Variants in DPYD observed in about 807,000 individuals in gnomAD.
DPYD encodes dihydropyrimidine dehydrogenase.
DPYD carries 109 observed loss-of-function variants against 116.2 expected under a neutral mutation model. The observed-to-expected ratio is 0.94, with a 90% CI of 0.80 to 1.10. DPYD has a LOEUF of 1.10. DPYD is among the 50% of genes least tolerant of loss of function. The pLI, the probability that DPYD is intolerant of heterozygous loss-of-function variation, is 0.00. For synonymous variants in DPYD, 440 were observed against 432.0 expected (o/e 1.02, Z -0.23); for missense variants, 1,302 against 1,254.5 (o/e 1.04, Z -0.57).
intron 12 of DPYD, chr1:97,545,915 T>C: frequency 9.3e-7 from 1 of 1,080,454 alleles, no homozygotes; most frequent in Non-Finnish European, 1.4e-6. Context: ...ATCCAGGATT[T>C]GGTGAGTTTA....
intron 16 of DPYD, among the ~76,000 whole-genome samples, chr1:97,317,916 C>A (rs1020987345): frequency 1.3e-5 from 2 of 152,038 alleles, no homozygotes; most frequent in Admixed American, 1.3e-4. Flanking sequence ...TCATCCATAA[C>A]AAGTTGGTAT....
intron 14 of DPYD, among the ~76,000 whole-genome samples, chr1:97,388,734 G>A (rs1672502441): frequency 6.6e-6 from 1 of 152,060 alleles, no homozygotes; most frequent in Non-Finnish European, 1.5e-5. Flanking sequence ...GGTTTTCTTG[G>A]GCTAGCTAAA....
chr1:97,206,638 T>TTATATATATGTGTATA (rs1553233563), intron 19 of DPYD, among the ~76,000 whole-genome samples: 9 of 48,998 alleles, frequency 1.8e-4, no homozygotes, highest in African/African-American at 3.5e-4. Context: ...CAGGGAGATT[T>TTATATATATGTGTATA]TATATATATA....
chr1:97,107,480 A>C (rs1240267767), intron 20 of DPYD, among the ~76,000 whole-genome samples: 5 of 152,050 alleles, frequency 3.3e-5, no homozygotes, highest in African/African-American at 1.2e-4. Context: ...TTTCCTCAAA[A>C]ATGGCTGAGA....
At chr1:97,892,414 T>C (rs538702164) in intron 1 of DPYD, among the ~76,000 whole-genome samples, 3 of 151,832 alleles carry the variant, frequency 2.0e-5, no homozygotes, top group Non-Finnish European at 4.4e-5. Flanking sequence ...GTGATTTAAT[T>C]AATATCTCAG....
chr1:97,533,431 T>C (rs543728415), intron 12 of DPYD, among the ~76,000 whole-genome samples: 2 of 152,224 alleles, frequency 1.3e-5, no homozygotes, highest in Non-Finnish European at 2.9e-5. Flanking sequence ...TGACAAATTT[T>C]CAAAAGTGTC....
chr1:97,538,067 C>CAA (rs67281977), intron 12 of DPYD, among the ~76,000 whole-genome samples: 12,119 of 124,350 alleles, frequency 0.097, 672 homozygotes, highest in African/African-American at 0.18. Context: ...AACTCTGTCT[C>CAA]AAAAAAAAAA....
chr1:97,717,309 T>TA (rs903665385), intron 5 of DPYD, among the ~76,000 whole-genome samples: 12 of 151,736 alleles, frequency 7.9e-5, no homozygotes, highest in African/African-American at 2.9e-4. Context: ...AAAAGTAAAA[T>TA]AAAAAAAATG....
At chr1:97,698,013 T>C (rs1338653365) in intron 6 of DPYD, among the ~76,000 whole-genome samples, 1 of 152,020 alleles carries the variant, frequency 6.6e-6, no homozygotes, top group African/African-American at 2.4e-5. Flanking sequence ...ATTATGTTTT[T>C]TCTAATTAAT....
intron 2 of DPYD, among the ~76,000 whole-genome samples, chr1:97,844,991 C>T (rs1382762373): frequency 6.6e-6 from 1 of 152,174 alleles, no homozygotes; most frequent in Admixed American, 6.5e-5. Context: ...CACCTTGTGC[C>T]CCTCTGGACT....
intron 3 of DPYD, among the ~76,000 whole-genome samples, chr1:97,771,715 C>A (rs1164936301): frequency 1.3e-5 from 2 of 152,100 alleles, no homozygotes; most frequent in African/African-American, 2.4e-5. Flanking sequence ...TTTCTGACTT[C>A]ATCTGTCAAT....
At chr1:97,645,282 C>G (rs76834760) in intron 8 of DPYD, among the ~76,000 whole-genome samples, 13,380 of 152,084 alleles carry the variant, frequency 0.088, 806 homozygotes, top group Non-Finnish European at 0.12. Context: ...TCCTTGTACC[C>G]TCGTCAACAA....
At chr1:97,328,216 C>T (rs1668803458) in intron 16 of DPYD, among the ~76,000 whole-genome samples, 1 of 152,096 alleles carries the variant, frequency 6.6e-6, no homozygotes, top group Non-Finnish European at 1.5e-5. Flanking sequence ...TAATCTGAGC[C>T]TATGTTATTC....
intron 19 of DPYD, among the ~76,000 whole-genome samples, chr1:97,196,149 G>C (rs1484354533): frequency 6.6e-6 from 1 of 152,024 alleles, no homozygotes; most frequent in Non-Finnish European, 1.5e-5. Flanking sequence ...ACCCAGGCTG[G>C]AGTGCAGTGG....
At chr1:97,769,766 G>T (rs531937101) in intron 3 of DPYD, among the ~76,000 whole-genome samples, 15 of 152,044 alleles carry the variant, frequency 9.9e-5, no homozygotes, top group Non-Finnish European at 2.1e-4. Flanking sequence ...ACTGTCCAAA[G>T]AAATAAAATA....
rs1310132875 is a variant in DPYD, at chr1:97,109,043, C to A, written c.2623-10411G>T. On this transcript the variant is annotated intron_variant, in intron 20 of 22. Transcript: ENST00000370192. Reference sequence around the variant, plus strand: ...TGAATGACCTGGGGCAAGCCACTTGCCCTCTGTAAGCCTCAATTTTCATCT... The same window carrying A: ...TGAATGACCTGGGGCAAGCCACTTGACCTCTGTAAGCCTCAATTTTCATCT... Among the ~76,000 whole-genome samples, 3 of 152,110 alleles carry A rather than the reference C, an allele frequency of 2.0e-5. No individual in the cohort carries two copies. In the East Asian group the frequency reaches 5.8e-4, roughly 29 times the overall value.
chr1:97,639,446 G>C (rs1439148273), intron 8 of DPYD, among the ~76,000 whole-genome samples: 1 of 151,966 alleles, frequency 6.6e-6, no homozygotes, highest in Admixed American at 6.6e-5. Flanking sequence ...TATTTTGTGT[G>C]TGTATTTTCA....
At position 97,098,721 on chromosome 1, in the gene DPYD, C is replaced by T. The variant is rs1352274904; in HGVS notation, c.2623-89G>A. ...TAAACATATAAATATTATCAACAAA[C>T]AAATGTGTGTCTAGGGATTGTTTCA... is the stretch of plus-strand genomic sequence containing the variant. On this transcript the variant is annotated intron_variant, in intron 20 of 22. Transcript: ENST00000370192. 2.8e-6 allele frequency: 4 copies of T among 1,446,476 alleles called. No homozygotes were observed. In the South Asian group the frequency reaches 3.6e-5, roughly 13 times the overall value. 89.6% of individuals were successfully genotyped at this position (1,446,476 alleles called of 1,614,324 possible).
intron 2 of DPYD, among the ~76,000 whole-genome samples, chr1:97,852,760 T>G (rs1204870971): frequency 6.6e-6 from 1 of 152,186 alleles, no homozygotes; most frequent in Admixed American, 6.5e-5. Flanking sequence ...CAACAACATA[T>G]TTATAATGAT....
Sources: gnomAD v4.1 joint callset for allele counts (sites outside exome capture counted in the v4.1 genomes callset) on GRCh38, gnomAD v4.1.1 for gene constraint, MANE v1.5 for transcripts, NCBI Gene and HGNC (gene_info 2026-07-23, HGNC 2026-07-21) for gene names.